The following ERG variants were observed in gnomAD, a reference collection of about 807,000 sequenced individuals.
ERG encodes the protein transcriptional regulator ERG.
Under a neutral mutation model 55.3 loss-of-function variants are expected in ERG, and 9 were observed. The ratio of observed to expected loss-of-function variants is 0.16; its 90% confidence interval spans 0.10 to 0.28. The LOEUF is 0.28. Ranked by LOEUF, ERG falls within the 10% of genes least tolerant of loss-of-function variation. ERG has a pLI of 1.00. For synonymous variants in ERG, 223 were observed against 237.3 expected, an observed-to-expected ratio of 0.94 and a Z score of 0.55; for missense variants, 434 against 631.6, an observed-to-expected ratio of 0.69 and a Z score of 3.35.
chr21:38,589,970 T>C (rs773899027), intron 1 of ERG, among the ~76,000 whole-genome samples: 2 of 152,214 alleles, frequency 1.3e-5, no homozygotes, highest in Non-Finnish European at 2.9e-5. Context: ...TTACCATCTG[T>C]ATCCATAGTC....
At chr21:38,607,713 A>C (rs2060204694) in intron 1 of ERG, among the ~76,000 whole-genome samples, 1 of 152,222 alleles carries the variant, frequency 6.6e-6, no homozygotes, top group Non-Finnish European at 1.5e-5. Flanking sequence ...TTTTAAAAGA[A>C]AATTATGAGT....
intron 1 of ERG, among the ~76,000 whole-genome samples, chr21:38,576,623 T>C (rs1601264198): frequency 6.6e-6 from 1 of 152,112 alleles, no homozygotes. Flanking sequence ...GCCCTCCCCT[T>C]CCACCGAGCC....
At chr21:38,636,510 C>T (rs2060389837) in intron 1 of ERG, among the ~76,000 whole-genome samples, 1 of 152,138 alleles carries the variant, frequency 6.6e-6, no homozygotes, top group Admixed American at 6.5e-5. Context: ...AAAATAGTGG[C>T]ATCTGGTTCC....
chr21:38,391,138 A>G, intron 8 of ERG, 96 bp from the exon 9 acceptor site: 1 of 1,065,228 alleles, frequency 9.4e-7, no homozygotes, highest in Non-Finnish European at 1.4e-6. Context: ...GTTTTTTCAG[A>G]TTTCAGAGCC....
intron 4 of ERG, among the ~76,000 whole-genome samples, chr21:38,402,897 G>A (rs1988574758): frequency 6.6e-6 from 1 of 152,062 alleles, no homozygotes; most frequent in South Asian, 2.1e-4. Context: ...CAAAGCAATG[G>A]AGGAGAATTT....
chr21:38,400,249 C>A, intron 6 of ERG: 1 of 459,212 alleles, frequency 2.2e-6, no homozygotes, highest in Non-Finnish European at 4.1e-6. Flanking sequence ...TGTGCTCTTC[C>A]CCCGAGGAGG....
chr21:38,423,434 C>T lies in ERG; in HGVS notation c.364G>A (p.Glu122Lys), dbSNP rs528221936. 6 of 1,613,894 alleles carry T rather than the reference C, an allele frequency of 3.7e-6. No homozygotes were observed. Among genetic ancestry groups the T allele is most frequent in the East Asian group, 2.2e-5 (1 of 44,854 alleles). ...CCTGCTGGCACGATAACTCTGCGCT[C>T]GTTCGTGGTCATGTTTGGGGGTGGC... ...HMPPPNMTTNERRVIVPADPT... is the reference protein window; with the variant it reads ...HMPPPNMTTNKRRVIVPADPT... The change falls in exon 3 of 10, where the codon GAG becomes AAG. Residue 122 changes from glutamate (E) to lysine (K), a missense_variant. Glu to Lys is a moderately conservative substitution (Grantham distance 56). Coordinates refer to ENST00000288319, the MANE Select transcript of ERG (RefSeq NM_182918.4).
chr21:38,564,208 TG>T (rs1465260009), intron 2 of ERG, among the ~76,000 whole-genome samples: 1 of 152,182 alleles, frequency 6.6e-6, no homozygotes, highest in Non-Finnish European at 1.5e-5. Flanking sequence ...ACTTTGTCGG[TG>T]GGTTTTACGA....
chr21:38,402,541 G>T lies in ERG; in HGVS notation c.673+16C>A, dbSNP rs780027761. On this transcript the variant is annotated intron_variant, in intron 5 of 9. Transcript: ENST00000288319. ...CCTACGCTCTTGCTGGGAGGCAGGG[G>T]CGGGGCCAGCATTACCTGTGTTTCT... 6.2e-7 allele frequency: 1 copy of T among 1,603,694 alleles called. No homozygotes were observed. Among genetic ancestry groups the T allele is most frequent in the Non-Finnish European group, 8.5e-7 (1 of 1,172,874 alleles).
intron 2 of ERG, among the ~76,000 whole-genome samples, chr21:38,504,174 TA>T (rs2059443037): frequency 6.6e-6 from 1 of 152,214 alleles, no homozygotes; most frequent in Non-Finnish European, 1.5e-5. Flanking sequence ...TCTGAACTAA[TA>T]GAAACCAAGG....
At chr21:38,619,570 T>G (rs2060278130) in intron 1 of ERG, among the ~76,000 whole-genome samples, 1 of 152,236 alleles carries the variant, frequency 6.6e-6, no homozygotes, top group South Asian at 2.1e-4. Context: ...TTTCTGAGAT[T>G]CTAACAGGGA....
At chr21:38,606,628 A>T (rs973303629) in intron 1 of ERG, among the ~76,000 whole-genome samples, 7 of 152,216 alleles carry the variant, frequency 4.6e-5, no homozygotes, top group African/African-American at 1.4e-4. Flanking sequence ...ATGACTTTTT[A>T]AAAACAGAAA....
chr21:38,388,056 G>T (rs1349960539), intron 9 of ERG, among the ~76,000 whole-genome samples: 1 of 152,212 alleles, frequency 6.6e-6, no homozygotes, highest in Admixed American at 6.5e-5. Context: ...CCCACTGGAA[G>T]ACTGCACACT....
At chr21:38,559,644 A>AT (rs1162398297) in intron 2 of ERG, among the ~76,000 whole-genome samples, 1 of 152,178 alleles carries the variant, frequency 6.6e-6, no homozygotes, top group Non-Finnish European at 1.5e-5. Flanking sequence ...CCCAAGAAAC[A>AT]TCCAACAATA....
Position 38,460,743 on chromosome 21 carries a change from T to A in ERG, c.19-15122A>T, listed in dbSNP as rs1324285282. Among the ~76,000 whole-genome samples the A allele has an allele frequency of 6.6e-6, 1 of 152,202 alleles. No individual in the cohort carries two copies. Among genetic ancestry groups the A allele is most frequent in the Non-Finnish European group, 1.5e-5 (1 of 68,036 alleles). Reference sequence around the variant, plus strand: ...ACTGACTTGTGGCAACTGAAAGGAATAACGGCACCAAAGTATTCCCCTGCC... The same window carrying A: ...ACTGACTTGTGGCAACTGAAAGGAAAAACGGCACCAAAGTATTCCCCTGCC... On this transcript the variant is annotated intron_variant, in intron 1 of 9. Transcript: ENST00000288319. This position sits in a 1 kb window ranked among gnomAD's most constrained non-coding sequence, Gnocchi z 5.0.
chr21:38,528,902 A>C (rs185369380), intron 2 of ERG, among the ~76,000 whole-genome samples: 2 of 152,324 alleles, frequency 1.3e-5, no homozygotes, highest in African/African-American at 4.8e-5. Flanking sequence ...ATTTTTTAAA[A>C]AGATACTATG....
At chr21:38,540,484 C>A (rs1363682987) in intron 2 of ERG, among the ~76,000 whole-genome samples, 8 of 152,090 alleles carry the variant, frequency 5.3e-5, no homozygotes, top group Admixed American at 5.2e-4. Context: ...AACTGCAAAC[C>A]CCTGGCAAGT....
intron 2 of ERG, among the ~76,000 whole-genome samples, chr21:38,513,952 A>C (rs2059533127): frequency 1.3e-5 from 2 of 152,104 alleles, no homozygotes; most frequent in Admixed American, 1.3e-4. Flanking sequence ...GGGGGCTATT[A>C]CTACAGATGC....
Position 38,594,664 on chromosome 21 carries a change from G to A in ERG, c.-149-9719C>T, listed in dbSNP as rs137872421. On this transcript the variant is annotated intron_variant, in intron 1 of 10. Coordinates refer to the ERG transcript ENST00000398910. ...ATCATCTGAAGGAGAGGAAAATAGG[G>A]CATTTCAGCCTTGAATAGCAGAACC... Among the ~76,000 whole-genome samples, 306 of 152,300 alleles carry A rather than the reference G, an allele frequency of 2.0e-3. 3 individuals are homozygous for A. The highest frequency in any genetic ancestry group is 6.6e-3 in the African/African-American group (276 of 41,558).
Sources: gnomAD v4.1 joint callset for allele counts (sites outside exome capture counted in the v4.1 genomes callset) on GRCh38, gnomAD v4.1.1 for gene constraint, Gnocchi (gnomAD v3.1) non-coding constraint, MANE v1.5 for transcripts, NCBI Gene and HGNC (gene_info 2026-07-23, HGNC 2026-07-21) for gene names.